Variants in PALB2 observed in about 807,000 individuals in gnomAD.
PALB2 encodes the protein mutant partner and localizer of BRCA2.
A neutral mutation model predicts 107.4 loss-of-function variants in PALB2; 82 were observed. The ratio of observed to expected loss-of-function variants is 0.76; its 90% CI spans 0.64 to 0.92. The LOEUF is 0.92. Among genes scored for constraint, PALB2 ranks in the 40% least tolerant of loss-of-function variants. The pLI is 0.00. For missense variants in PALB2, 1,374 were observed against 1,379.9 expected (o/e 1.00, Z 0.07); for synonymous variants, 489 against 496.8 (o/e 0.98, Z 0.21).
intron 6 of PALB2, among the ~76,000 whole-genome samples, chr16:23,627,990 A>C (rs1966849963): frequency 6.6e-6 from 1 of 152,216 alleles, no homozygotes; most frequent in South Asian, 2.1e-4. Context: ...TTGGGAGGCC[A>C]AGGCAGGCGG....
chr16:23,626,274 A>C lies in PALB2; in HGVS notation c.2710T>G (p.Trp904Gly). ...VVSLWKALDAWQWEKLYTWHF... is the reference protein window; with the variant it reads ...VVSLWKALDAGQWEKLYTWHF... The stretch of plus-strand genomic sequence containing the variant: ...CAGGTATAAAGTTTTTCCCACTGCC[A>C]AGCATCCAGAGCTTTCCAAAGAGAA... The change falls in exon 7 of 13, where the codon TGG (tryptophan) becomes GGG (glycine). Residue 904 changes from tryptophan (W) to glycine (G), a missense_variant. Coordinates refer to ENST00000261584, the MANE Select transcript of PALB2 (RefSeq NM_024675.4). 1 of 1,614,166 alleles carries C rather than the reference A, an allele frequency of 6.2e-7. No homozygotes were observed. The highest frequency in any genetic ancestry group is 2.2e-5 in the East Asian group (1 of 44,880).
Position 23,636,067 on chromosome 16 carries a change from C to T in PALB2, c.479G>A (p.Arg160Lys), listed in dbSNP as rs2142442427. ...QQKRTFISQE[R>K]DCVFGTDSLR... The stretch of plus-strand genomic sequence containing the variant: ...TGAATCAGTGCCAAAGACACAGTCT[C>T]TCTCCTGTGAAATAAATGTCCTCTT... Residue 160 changes from arginine to lysine, a missense_variant, in exon 4 of 13, where the codon AGA becomes AAA. Coordinates refer to ENST00000261584, the MANE Select transcript of PALB2 (RefSeq NM_024675.4). The T allele has an allele frequency of 6.2e-7, 1 of 1,614,014 alleles. No individual in the cohort carries two copies. The highest frequency in any genetic ancestry group is 8.5e-7 in the Non-Finnish European group (1 of 1,179,992).
chr16:23,637,141 G>C (rs1211708932), intron 3 of PALB2, among the ~76,000 whole-genome samples: 3 of 152,046 alleles, frequency 2.0e-5, no homozygotes, highest in African/African-American at 7.2e-5. Flanking sequence ...CCAGGTACTC[G>C]GGAGGCTGAG....
intron 10 of PALB2, among the ~76,000 whole-genome samples, chr16:23,620,544 C>G (rs1966754857): frequency 6.6e-6 from 1 of 152,170 alleles, no homozygotes; most frequent in African/African-American, 2.4e-5. Context: ...TTCTTGTTCT[C>G]TGGTGCCTTT....
chr16:23,634,207 G>A (rs186167960), intron 4 of PALB2, among the ~76,000 whole-genome samples: 3 of 152,240 alleles, frequency 2.0e-5, no homozygotes, highest in Admixed American at 1.3e-4. Context: ...TTGAATCCTG[G>A]CTCTGTGATT....
rs1555461608 is a variant in PALB2, at chr16:23,635,723, T to G, written c.823A>C (p.Thr275Pro). Residue 275 changes from threonine (T) to proline (P), a missense_variant, in exon 4 of 13, where the codon ACT becomes CCT. Coordinates refer to ENST00000261584, the MANE Select transcript of PALB2 (RefSeq NM_024675.4). ...AATCTAATGTTTTTTAGGTCGTGAG[T>G]AGTAAGTTCACTGCTACCTTTAGGA... Reference protein sequence around the residue: ...IPPKGSSELTTHDLKNIRFTS... With the variant: ...IPPKGSSELTPHDLKNIRFTS... 5 of 1,614,124 alleles carry G rather than the reference T, an allele frequency of 3.1e-6. No individual in the cohort carries two copies. Among genetic ancestry groups the G allele is most frequent in the Non-Finnish European group, 4.2e-6 (5 of 1,180,026 alleles).
intron 5 of PALB2, 57 bp from the exon 6 acceptor site, chr16:23,629,332 A>G (rs927171574): frequency 3.5e-6 from 5 of 1,419,402 alleles, no homozygotes; most frequent in Non-Finnish European, 5.0e-6. Flanking sequence ...GTCTGCCTGC[A>G]TTACCCACTC....
chr16:23,636,562 ACTT>A (rs1417175433), intron 3 of PALB2, among the ~76,000 whole-genome samples: 2 of 152,148 alleles, frequency 1.3e-5, no homozygotes, highest in Non-Finnish European at 1.5e-5. Flanking sequence ...GGTGTTGACT[ACTT>A]CTACTATCTG....
chr16:23,614,186 T>G, intron 10 of PALB2, 95 bp from the exon 11 acceptor site: 1 of 893,362 alleles, frequency 1.1e-6, no homozygotes, highest in Non-Finnish European at 1.8e-6. Flanking sequence ...TCTTAGGAGG[T>G]GACCAGGGAA....
In PALB2 at chr16:23,623,012, A is replaced by G. The variant is rs139726856; in HGVS notation, c.2953T>C (p.Ser985Pro). The change falls in exon 9 of 13, where the codon TCT becomes CCT. Residue 985 changes from serine to proline, a missense_variant. By Grantham distance (74) the Ser-to-Pro change is moderately conservative (BLOSUM62 -1). Transcript: ENST00000261584. ...GTCATGACTTCTACTTGTTGATCAG[A>G]AAGGGTCCCACTGCTACTAACTAGC... The part of the protein sequence containing the change: ...RRLVSSSGTL[S>P]DQQVEVMTFA... 2.5e-6 allele frequency: 4 copies of G among 1,613,996 alleles called. No individual in the cohort carries two copies. In the African/African-American group the frequency reaches 5.3e-5, roughly 22 times the overall value.
chr16:23,631,203 C>T (rs1966873539), intron 4 of PALB2, among the ~76,000 whole-genome samples: 1 of 149,014 alleles, frequency 6.7e-6, no homozygotes, highest in South Asian at 2.1e-4. Flanking sequence ...TGGCGTGAAC[C>T]CAGGAGGCGG....
In PALB2 at chr16:23,636,197, G is replaced by C. The variant is rs1413238389; in HGVS notation, c.349C>G (p.Pro117Ala). Residue 117 changes from proline to alanine, a missense_variant, in exon 4 of 13, where the codon CCT becomes GCT. Physicochemically the swap from Pro to Ala is conservative, Grantham distance 27. Transcript: ENST00000261584. ...FNPGDGPGGL[P>A]IQRTDDTQEH... ...TGGGTGTCATCTGTTCTTTGTATAG[G>C]TAATCCTCCTGGGCCATCTCCAGGG... 6.2e-7 allele frequency: 1 copy of C among 1,613,206 alleles called. No homozygotes were observed. Among genetic ancestry groups the C allele is most frequent in the Non-Finnish European group, 8.5e-7 (1 of 1,179,922 alleles).
intron 10 of PALB2, among the ~76,000 whole-genome samples, chr16:23,614,860 C>T (rs1966656122): frequency 6.6e-6 from 1 of 150,646 alleles, no homozygotes; most frequent in Non-Finnish European, 1.5e-5. Context: ...CCGTTTTAGC[C>T]GGGATGGTCT....
chr16:23,609,432 G>GA (rs1176306461), intron 11 of PALB2, among the ~76,000 whole-genome samples: 5 of 151,810 alleles, frequency 3.3e-5, no homozygotes, highest in Non-Finnish European at 7.4e-5. Context: ...CTCTAAAAGG[G>GA]AAAAAAACTG....
At chr16:23,613,151 T>C (rs773048502) in intron 11 of PALB2, among the ~76,000 whole-genome samples, 5 of 152,186 alleles carry the variant, frequency 3.3e-5, no homozygotes, top group Non-Finnish European at 7.3e-5. Flanking sequence ...ATCATTTCTA[T>C]GTATTGGGAA....
chr16:23,623,922 T>G, intron 8 of PALB2, 87 bp downstream of exon 8: 2 of 868,256 alleles, frequency 2.3e-6, no homozygotes, highest in Non-Finnish European at 1.9e-6. Context: ...CTTTCAAGAC[T>G]CAAGCCTAGG....
intron 11 of PALB2, among the ~76,000 whole-genome samples, chr16:23,609,758 C>T (rs577443481): frequency 4.6e-5 from 7 of 152,270 alleles, no homozygotes; most frequent in Non-Finnish European, 7.4e-5. Context: ...CCTCATGATC[C>T]GCCCGCCTTA....
intron 4 of PALB2, 92 bp from the exon 5 acceptor site, chr16:23,630,561 G>A: frequency 1.9e-6 from 2 of 1,026,312 alleles, no homozygotes; most frequent in Non-Finnish European, 2.9e-6. Flanking sequence ...GGATCTCCTA[G>A]ATTTAAAAGA....
chr16:23,610,845 G>T (rs1966572157), intron 11 of PALB2, among the ~76,000 whole-genome samples: 1 of 151,616 alleles, frequency 6.6e-6, no homozygotes, highest in Admixed American at 6.6e-5. Context: ...AGACCAGCCT[G>T]GCCAACTTGG....
Sources: allele counts gnomAD v4.1 joint callset (sites outside exome capture counted in the v4.1 genomes callset), GRCh38; gene constraint gnomAD v4.1.1; transcripts MANE v1.5; gene names NCBI Gene and HGNC (gene_info 2026-07-23, HGNC 2026-07-21).